WAC: variants seen among roughly 807,000 people sequenced by gnomAD.
The protein encoded by WAC is WW domain-containing adapter protein with coiled-coil.
A neutral mutation model predicts 79.6 loss-of-function variants in WAC; 11 were observed. That is an observed-to-expected ratio of 0.14 (90% CI 0.09 to 0.23). WAC has a LOEUF of 0.23. WAC is among the 10% of genes least tolerant of loss of function. WAC has a pLI of 1.00. For synonymous variants in WAC, 304 were observed against 276.9 expected, an observed-to-expected ratio of 1.10 and a Z score of -0.97; for missense variants, 728 against 773.5, an observed-to-expected ratio of 0.94 and a Z score of 0.70.
At chr10:28,592,399 G>A (rs746662428) in intron 6 of WAC, among the ~76,000 whole-genome samples, 7 of 152,190 alleles carry the variant, frequency 4.6e-5, no homozygotes, top group Middle Eastern at 3.4e-3. Context: ...TGAGGCAGGC[G>A]GATCACGAAG....
chr10:28,536,629 AAGTT>A (rs1050619448), intron 3 of WAC, among the ~76,000 whole-genome samples: 2 of 152,170 alleles, frequency 1.3e-5, no homozygotes, highest in African/African-American at 4.8e-5. Flanking sequence ...TTCTTTTTAA[AAGTT>A]AGTCTGATTT....
chr10:28,536,410 C>A (rs557538175), intron 3 of WAC, among the ~76,000 whole-genome samples: 4 of 152,102 alleles, frequency 2.6e-5, no homozygotes, highest in South Asian at 2.1e-4. Context: ...ATTGTTGCTT[C>A]AGTTTGTTAC....
intron 3 of WAC, among the ~76,000 whole-genome samples, chr10:28,580,465 T>C (rs1839476476): frequency 6.6e-6 from 1 of 152,242 alleles, no homozygotes; most frequent in African/African-American, 2.4e-5. Flanking sequence ...ACTTTTAATG[T>C]GGCACTTTCA....
intron 2 of WAC, 160 bp from the exon 3 acceptor site, chr10:28,535,402 T>G (rs1836587734): frequency 1.2e-6 from 1 of 829,418 alleles, no homozygotes; most frequent in East Asian, 2.9e-5. Context: ...TTAGGTTTTT[T>G]GTCTGAGAAA....
chr10:28,616,220 G>T lies in WAC; in HGVS notation c.1604G>T (p.Ser535Ile), dbSNP rs926855638. The change falls in exon 12 of 14, where the codon AGT becomes ATT. Residue 535 changes from serine to isoleucine, a missense_variant. Ser to Ile is a moderately radical substitution (Grantham distance 142, BLOSUM62 -2). Coordinates refer to ENST00000354911, the MANE Select transcript of WAC (RefSeq NM_016628.5). ...GGTCCCAATCATACTTCTAATAGTAGTAATGCATCAAATGCAACAGTTGTA... is the reference window on the plus strand; with the variant it reads ...GGTCCCAATCATACTTCTAATAGTATTAATGCATCAAATGCAACAGTTGTA... Reference protein sequence around the residue: ...SPGPNHTSNSSNASNATVVPQ... With the variant: ...SPGPNHTSNSINASNATVVPQ... 4 of 1,613,234 alleles carry T rather than the reference G, an allele frequency of 2.5e-6. No individual in the cohort carries two copies. The East Asian group carries it at 8.9e-5, about 36-fold the overall frequency.
intron 4 of WAC, among the ~76,000 whole-genome samples, chr10:28,586,448 G>A (rs1358425801): frequency 6.6e-6 from 1 of 152,148 alleles, no homozygotes; most frequent in East Asian, 1.9e-4. Context: ...TGCCAAGGCA[G>A]GAGGATCACT....
chr10:28,595,094 A>G (rs560907392), intron 6 of WAC, among the ~76,000 whole-genome samples: 1 of 152,334 alleles, frequency 6.6e-6, no homozygotes, highest in East Asian at 1.9e-4. Context: ...ATTATGCATC[A>G]TGATTTTATT....
intron 1 of WAC, 108 bp from the exon 2 acceptor site, chr10:28,533,890 C>G (rs1301088441): frequency 1.4e-6 from 2 of 1,384,108 alleles, no homozygotes; most frequent in South Asian, 1.2e-5. Flanking sequence ...CGCTGGGGCG[C>G]TCGGTAGGTC....
In WAC at chr10:28,616,180, A is replaced by G; in HGVS notation, c.1564A>G (p.Arg522Gly). The change falls in exon 12 of 14, where the codon AGA becomes GGA. Residue 522 changes from arginine to glycine, a missense_variant. Arg to Gly is a moderately radical substitution (Grantham distance 125). Around this residue, in one of 3 missense-constraint regions of WAC, gnomAD observed 648 missense variants for 661.5 expected, o/e 0.98. Coordinates refer to ENST00000354911, the MANE Select transcript of WAC (RefSeq NM_016628.5). ...PRSLQRSSSQ[R>G]SPSPGPNHTS... ...TTCAATTCTGTTTTCTAGTAGCCAG[A>G]GAAGTCCATCACCTGGTCCCAATCA... 6.3e-7 allele frequency: 1 copy of G among 1,593,676 alleles called. No individual in the cohort carries two copies. Among genetic ancestry groups the G allele is most frequent in the Non-Finnish European group, 8.6e-7 (1 of 1,166,772 alleles).
At chr10:28,564,859 G>T (rs1331964990) in intron 3 of WAC, among the ~76,000 whole-genome samples, 1 of 152,162 alleles carries the variant, frequency 6.6e-6, no homozygotes, top group Non-Finnish European at 1.5e-5. Context: ...CATGCAGTGT[G>T]TGTGTCTGTA....
intron 3 of WAC, among the ~76,000 whole-genome samples, chr10:28,542,920 C>G (rs748471065): frequency 2.0e-5 from 3 of 152,234 alleles, no homozygotes; most frequent in Non-Finnish European, 4.4e-5. Context: ...GGAATATAAG[C>G]TCCACCAGAA....
chr10:28,590,063 G>C (rs1840008504), intron 5 of WAC, among the ~76,000 whole-genome samples: 1 of 152,126 alleles, frequency 6.6e-6, no homozygotes, highest in African/African-American at 2.4e-5. Flanking sequence ...GCTCATGCCT[G>C]TAATCCCAGA....
At chr10:28,555,034 T>TG (rs1801630257) in intron 3 of WAC, among the ~76,000 whole-genome samples, 1 of 152,168 alleles carries the variant, frequency 6.6e-6, no homozygotes, top group African/African-American at 2.4e-5. Flanking sequence ...GAATTGTGTG[T>TG]TTTCCCCTCC....
intron 3 of WAC, among the ~76,000 whole-genome samples, chr10:28,552,525 C>A (rs2132431181): frequency 6.6e-6 from 1 of 152,140 alleles, no homozygotes; most frequent in Middle Eastern, 3.4e-3. Context: ...TTTAGAAGAC[C>A]CTTAATTGGT....
Position 28,535,604 on chromosome 10 carries a change from C to T in WAC, c.121C>T (p.His41Tyr). The change falls in exon 3 of 14, where the codon CAC (histidine) becomes TAC (tyrosine). Residue 41 changes from histidine (H) to tyrosine (Y), a missense_variant. Physicochemically the swap from His to Tyr is moderately conservative, Grantham distance 83. This residue lies in a region of WAC where 648 missense variants were observed against 661.5 expected (regional missense o/e 0.98). Coordinates refer to ENST00000354911, the MANE Select transcript of WAC (RefSeq NM_016628.5). ...GAAGAGTCACCCCAGTAGCGGTGAT[C>T]ACAGACATGAAAAGATGCGAGACGC... ...SSKSHPSSGD[H>Y]RHEKMRDAGD... 1 of 1,613,982 alleles carries T rather than the reference C, an allele frequency of 6.2e-7. No individual in the cohort carries two copies. Among genetic ancestry groups the T allele is most frequent in the Non-Finnish European group, 8.5e-7 (1 of 1,179,968 alleles).
intron 3 of WAC, among the ~76,000 whole-genome samples, chr10:28,551,814 GTGTGTT>G (rs1837688799): frequency 7.8e-6 from 1 of 127,756 alleles, no homozygotes; most frequent in South Asian, 2.5e-4. Flanking sequence ...GTGTGTGTGT[GTGTGTT>G]TCTTTTTTTT....
intron 4 of WAC, among the ~76,000 whole-genome samples, chr10:28,585,496 G>A (rs1397428891): frequency 2.0e-5 from 3 of 152,016 alleles, no homozygotes; most frequent in Non-Finnish European, 4.4e-5. Context: ...AAGCCTTCAC[G>A]CGTGCTATCG....
chr10:28,546,532 A>T (rs1837356549), intron 3 of WAC, among the ~76,000 whole-genome samples: 1 of 152,194 alleles, frequency 6.6e-6, no homozygotes, highest in Non-Finnish European at 1.5e-5. Context: ...TTTAATATGC[A>T]CGGATACCTG....
intron 3 of WAC, among the ~76,000 whole-genome samples, chr10:28,545,282 G>A (rs902212574): frequency 2.2e-4 from 33 of 152,000 alleles, no homozygotes; most frequent in African/African-American, 7.7e-4. Context: ...ACCTAAGTTC[G>A]GGAGAGACCA....
Sources: gnomAD v4.1 joint callset for allele counts (sites outside exome capture counted in the v4.1 genomes callset) on GRCh38, gnomAD v4.1.1 for gene constraint, gnomAD v4.1.1 regional missense constraint, MANE v1.5 for transcripts, NCBI Gene and HGNC (gene_info 2026-07-23, HGNC 2026-07-21) for gene names.